The following RIMS2 variants were observed in gnomAD, a reference collection of about 807,000 sequenced individuals.
The protein encoded by RIMS2 is regulating synaptic membrane exocytosis 2.
A neutral mutation model predicts 174.4 loss-of-function variants in RIMS2; 59 were observed. The ratio of observed to expected loss-of-function variants is 0.34; its 90% confidence interval spans 0.27 to 0.42. RIMS2 has a LOEUF of 0.42. Among genes scored for constraint, RIMS2 ranks in the 10% least tolerant of loss-of-function variants. The probability of loss-of-function intolerance (pLI) is 1.00; values close to 1 mark genes in which losing one functional copy is unlikely to be tolerated. For missense variants in RIMS2, 1,620 were observed against 1,666.3 expected (o/e 0.97, Z 0.48); for synonymous variants, 606 against 572.5 (o/e 1.06, Z -0.84).
Position 104,148,766 on chromosome 8 carries a change from G to A in RIMS2, c.3335-96150G>A, listed in dbSNP as rs374620276. On this transcript the variant is annotated intron_variant, in intron 19 of 23. Coordinates refer to ENST00000504942, the Ensembl canonical transcript of RIMS2. ...CCTTGGGCACCAGTGGCAAAAAGCG[G>A]CGCTCTAGCCTTGGTGCCAAAATGG... 2.7e-4 allele frequency: 427 copies of A among 1,598,408 alleles called. 3 individuals are homozygous for A. In the African/African-American group the frequency reaches 4.3e-3, roughly 16 times the overall value.
intron 1 of RIMS2, among the ~76,000 whole-genome samples, chr8:103,601,553 G>A (rs773310906): frequency 2.0e-5 from 3 of 151,666 alleles, no homozygotes; most frequent in Non-Finnish European, 4.4e-5. Context: ...CAGTCTATAT[G>A]CATATATATA....
chr8:104,211,192 G>A (rs1206962587), intron 19 of RIMS2, among the ~76,000 whole-genome samples: 3 of 152,302 alleles, frequency 2.0e-5, no homozygotes, highest in South Asian at 2.1e-4. Context: ...TTAGAGTCGA[G>A]TAGGGGTGGG....
intron 3 of RIMS2, among the ~76,000 whole-genome samples, chr8:103,838,374 T>G (rs1332665121): frequency 6.6e-6 from 1 of 152,198 alleles, no homozygotes; most frequent in Non-Finnish European, 1.5e-5. Flanking sequence ...AAATTGTGAT[T>G]TAGAATTAAT....
chr8:103,772,974 G>T (rs550567228), intron 3 of RIMS2, among the ~76,000 whole-genome samples: 1 of 152,190 alleles, frequency 6.6e-6, no homozygotes, highest in South Asian at 2.1e-4. Flanking sequence ...AAATGTAAAA[G>T]CTAAAATTAT....
intron 1 of RIMS2, among the ~76,000 whole-genome samples, chr8:103,609,259 C>T (rs2095278325): frequency 6.6e-6 from 1 of 152,068 alleles, no homozygotes; most frequent in Non-Finnish European, 1.5e-5. Flanking sequence ...AATATTAGAG[C>T]TTCGTTGGAT....
chr8:103,884,093 G>C (rs928318436), intron 3 of RIMS2, among the ~76,000 whole-genome samples: 2 of 151,856 alleles, frequency 1.3e-5, no homozygotes, highest in South Asian at 2.1e-4. Flanking sequence ...CTAATTGGTA[G>C]ATTGGCAGAC....
At chr8:104,228,042 T>TC (rs1451427427) in intron 19 of RIMS2, among the ~76,000 whole-genome samples, 60 of 146,978 alleles carry the variant, frequency 4.1e-4, no homozygotes, top group Non-Finnish European at 6.2e-4. Flanking sequence ...TTTTTTTTTT[T>TC]CTTTGAGACA....
intron 1 of RIMS2, chr8:103,559,378 C>G: frequency 3.1e-6 from 1 of 322,202 alleles, no homozygotes; most frequent in Non-Finnish European, 5.9e-6. Flanking sequence ...AGCTGGTGTC[C>G]ACGGCTGCTT....
intron 1 of RIMS2, among the ~76,000 whole-genome samples, chr8:103,672,834 C>A (rs953302071): frequency 6.6e-6 from 1 of 152,146 alleles, no homozygotes; most frequent in African/African-American, 2.4e-5. Flanking sequence ...AGTCCCCCAA[C>A]ATTGTAACTT....
At chr8:103,942,983 T>C in intron 14 of RIMS2, 57 bp downstream of exon 16, 1 of 1,305,224 alleles carries the variant, frequency 7.7e-7, no homozygotes, top group Non-Finnish European at 1.1e-6. Flanking sequence ...TCTTGAGTGA[T>C]GTATGTGATA....
chr8:104,006,102 C>A (rs2095565809), intron 17 of RIMS2, among the ~76,000 whole-genome samples: 1 of 151,930 alleles, frequency 6.6e-6, no homozygotes, highest in Non-Finnish European at 1.5e-5. Flanking sequence ...TTTTGTTCTC[C>A]ATCAAAACTA....
At chr8:104,207,668 C>T (rs1215432266) in intron 19 of RIMS2, among the ~76,000 whole-genome samples, 2 of 151,870 alleles carry the variant, frequency 1.3e-5, no homozygotes, top group Non-Finnish European at 2.9e-5. Flanking sequence ...ACAAAATTAG[C>T]TGGGCCTGGT....
At chr8:104,219,157 T>C (rs1030185485) in intron 19 of RIMS2, among the ~76,000 whole-genome samples, 2 of 152,244 alleles carry the variant, frequency 1.3e-5, no homozygotes, top group Non-Finnish European at 2.9e-5. Context: ...TATTAATGTT[T>C]TTATTTTTAA....
At chr8:104,044,029 G>T (rs758397016) in intron 19 of RIMS2, among the ~76,000 whole-genome samples, 3 of 151,642 alleles carry the variant, frequency 2.0e-5, no homozygotes, top group Non-Finnish European at 3.0e-5. Flanking sequence ...GGATTGTATA[G>T]CATATATGTA....
chr8:104,251,238 T>C, intron 23 of RIMS2, 75 bp downstream of exon 29: 1 of 1,230,898 alleles, frequency 8.1e-7, no homozygotes, highest in Non-Finnish European at 1.1e-6. Context: ...CCAAATCTTT[T>C]CTGTTGTATT....
At chr8:104,070,668 A>G (rs1249482824) in intron 19 of RIMS2, among the ~76,000 whole-genome samples, 1 of 152,170 alleles carries the variant, frequency 6.6e-6, no homozygotes, top group Non-Finnish European at 1.5e-5. Flanking sequence ...TCCTGATAAA[A>G]TAAGATACTA....
At chr8:103,833,828 G>C (rs542432046) in intron 3 of RIMS2, among the ~76,000 whole-genome samples, 19 of 151,880 alleles carry the variant, frequency 1.3e-4, no homozygotes, top group African/African-American at 4.3e-4. Context: ...TTAACATCTG[G>C]GTTTGTTATC....
chr8:103,653,605 G>A (rs2096487075), intron 1 of RIMS2, among the ~76,000 whole-genome samples: 1 of 152,102 alleles, frequency 6.6e-6, no homozygotes, highest in East Asian at 1.9e-4. Context: ...TGACGAGTAT[G>A]ATGAAACACT....
At chr8:103,802,571 G>C (rs1312053425) in intron 3 of RIMS2, among the ~76,000 whole-genome samples, 1 of 151,640 alleles carries the variant, frequency 6.6e-6, no homozygotes, top group Non-Finnish European at 1.5e-5. Context: ...GGTGAATGTA[G>C]AAGTGTTTAT....
Sources: gnomAD v4.1 joint callset for allele counts (sites outside exome capture counted in the v4.1 genomes callset) on GRCh38, gnomAD v4.1.1 for gene constraint, MANE v1.5 for transcripts, NCBI Gene and HGNC (gene_info 2026-07-23, HGNC 2026-07-21) for gene names.